Variants in FAM193A observed in about 807,000 individuals in gnomAD.
FAM193A encodes the protein protein FAM193A.
FAM193A carries 22 observed loss-of-function variants against 126.5 expected under a neutral mutation model. The observed-to-expected ratio is 0.17, with a 90% CI of 0.12 to 0.25. FAM193A has a LOEUF of 0.25. Among genes scored for constraint, FAM193A ranks in the 10% least tolerant of loss-of-function variants. The pLI, the probability that FAM193A is intolerant of heterozygous loss-of-function variation, is 1.00. For synonymous variants in FAM193A, 761 were observed against 646.8 expected, an observed-to-expected ratio of 1.18 and a Z score of -2.68; for missense variants, 1,675 against 1,672.8, an observed-to-expected ratio of 1.00 and a Z score of -0.02.
intron 1 of FAM193A, among the ~76,000 whole-genome samples, chr4:2,572,524 G>T (rs537775632): frequency 3.9e-5 from 6 of 152,170 alleles, no homozygotes; most frequent in African/African-American, 1.4e-4. Context: ...TGTAAACTGA[G>T]AGATGGAAAT....
At position 2,697,766 on chromosome 4, in the gene FAM193A, C is replaced by G. The variant is rs1421483252; in HGVS notation, c.3507+1173C>G. Among the ~76,000 whole-genome samples, 3 of 152,180 alleles carry G rather than the reference C, an allele frequency of 2.0e-5. No homozygotes were observed. In the East Asian group the frequency reaches 5.8e-4, roughly 29 times the overall value. ...TGATTGGGAGGCTTTGGGGGAGAAG[C>G]CTTGTCCCGTGCCCCAGAAGACTAG... On this transcript the variant is annotated intron_variant, in intron 18 of 20. Coordinates refer to ENST00000637812, the MANE Select transcript of FAM193A (RefSeq NM_001366318.2).
chr4:2,600,186 C>T (rs1741115635), intron 2 of FAM193A, among the ~76,000 whole-genome samples: 1 of 152,198 alleles, frequency 6.6e-6, no homozygotes, highest in Non-Finnish European at 1.5e-5. Flanking sequence ...GCGTGAGCCA[C>T]TGCGCCTGAC....
At chr4:2,590,463 C>CAAAAAAAAAAAAAAAAAA (rs774897240) in intron 1 of FAM193A, among the ~76,000 whole-genome samples, 1 of 13,564 alleles carries the variant, frequency 7.4e-5, no homozygotes, top group Admixed American at 5.3e-4. Flanking sequence ...GACTCCATCT[C>CAAAAAAAAAAAAAAAAAA]AAAAAAAAAA....
intron 13 of FAM193A, among the ~76,000 whole-genome samples, chr4:2,687,487 G>T (rs1715874299): frequency 6.6e-6 from 1 of 152,192 alleles, no homozygotes; most frequent in African/African-American, 2.4e-5. Flanking sequence ...GAGCTCGCCA[G>T]ACTCCAGAGC....
At chr4:2,551,693 G>T (rs1297429141) in intron 1 of FAM193A, among the ~76,000 whole-genome samples, 3 of 150,734 alleles carry the variant, frequency 2.0e-5, no homozygotes, top group Non-Finnish European at 4.4e-5. Context: ...CTTAATAGAG[G>T]TTTCATCATT....
chr4:2,575,008 T>A (rs1378903097), intron 1 of FAM193A, among the ~76,000 whole-genome samples: 1 of 152,164 alleles, frequency 6.6e-6, no homozygotes, highest in Non-Finnish European at 1.5e-5. Flanking sequence ...AACTTCTTCC[T>A]CTTCCTCTTT....
At position 2,536,890 on chromosome 4, in the gene FAM193A, G is replaced by C. The variant is rs886272351; in HGVS notation, c.-26G>C. The C allele has an allele frequency of 2.0e-5, 3 of 147,494 alleles. No homozygotes were observed. Among genetic ancestry groups the C allele is most frequent in the African/African-American group, 7.4e-5 (3 of 40,694 alleles). 9.1% of individuals were successfully genotyped at this position (147,494 alleles called of 1,614,324 possible). Reference sequence around the variant, plus strand: ...GCCGCCGCCCGCGGCCCCCGCGCCCGCTCTGCGCCCCTCTCCCCGCCCGCC... The same window carrying C: ...GCCGCCGCCCGCGGCCCCCGCGCCCCCTCTGCGCCCCTCTCCCCGCCCGCC... On this transcript the variant is annotated 5_prime_UTR_variant, in exon 1 of 21. Transcript: ENST00000637812.
intron 4 of FAM193A, among the ~76,000 whole-genome samples, 163 bp downstream of exon 4, chr4:2,626,740 G>A (rs929947880): frequency 2.1e-4 from 32 of 152,170 alleles, no homozygotes; most frequent in Non-Finnish European, 8.8e-5. Flanking sequence ...GCAAAAGTGA[G>A]CCCCCTAGGT....
At position 2,696,556 on chromosome 4, in the gene FAM193A, C is replaced by A; in HGVS notation, c.3470C>A (p.Thr1157Lys). The A allele has an allele frequency of 6.2e-7, 1 of 1,614,204 alleles. No individual in the cohort carries two copies. Residue 1157 changes from threonine to lysine, a missense_variant, in exon 18 of 21, where the codon ACG becomes AAG. By Grantham distance (78) the Thr-to-Lys change is moderately conservative. Coordinates refer to ENST00000637812, the MANE Select transcript of FAM193A (RefSeq NM_001366318.2). ...TCCGAAACCAAACCAGTGAGCAGCA[C>A]GCGTGCAGCGAAGCGAGCAAGGCAT... ...NSSETKPVSS[T>K]RAAKRARHKQ...
At chr4:2,641,587 G>A (rs964670678) in intron 6 of FAM193A, among the ~76,000 whole-genome samples, 6 of 151,994 alleles carry the variant, frequency 3.9e-5, no homozygotes, top group Non-Finnish European at 7.4e-5. Context: ...CCCAGGAGGC[G>A]GAGTTTGCAG....
chr4:2,702,946 G>A (rs1717902886), intron 19 of FAM193A, among the ~76,000 whole-genome samples: 1 of 151,718 alleles, frequency 6.6e-6, no homozygotes, highest in African/African-American at 2.4e-5. Flanking sequence ...TGTTCCATTT[G>A]TTTTCTCCCC....
chr4:2,591,011 A>T (rs1458799440), intron 1 of FAM193A, among the ~76,000 whole-genome samples: 1 of 151,294 alleles, frequency 6.6e-6, no homozygotes, highest in Non-Finnish European at 1.5e-5. Context: ...TGGGTCACAG[A>T]GCAAGACTCC....
intron 7 of FAM193A, among the ~76,000 whole-genome samples, chr4:2,649,619 C>G (rs1280094908): frequency 6.6e-6 from 1 of 152,088 alleles, no homozygotes; most frequent in Non-Finnish European, 1.5e-5. Flanking sequence ...CTGTGGTGAG[C>G]TATGATCATG....
chr4:2,704,299 C>T (rs1381533312), intron 19 of FAM193A, among the ~76,000 whole-genome samples: 2 of 150,692 alleles, frequency 1.3e-5, no homozygotes, highest in African/African-American at 2.4e-5. Flanking sequence ...GGCATGGTGG[C>T]TCACATCCAT....
chr4:2,545,309 T>C (rs1737479318), intron 1 of FAM193A, among the ~76,000 whole-genome samples: 1 of 152,200 alleles, frequency 6.6e-6, no homozygotes, highest in Admixed American at 6.6e-5. Context: ...TTGAATTTCA[T>C]AGAACAAGAA....
At chr4:2,669,619 A>G (rs899012433) in intron 12 of FAM193A, among the ~76,000 whole-genome samples, 2 of 151,544 alleles carry the variant, frequency 1.3e-5, no homozygotes, top group Admixed American at 6.5e-5. Flanking sequence ...ACAATAAATA[A>G]ATAAATAATA....
chr4:2,643,981 CAAT>C (rs1461099641), intron 6 of FAM193A, among the ~76,000 whole-genome samples: 1 of 152,178 alleles, frequency 6.6e-6, no homozygotes, highest in African/African-American at 2.4e-5. Context: ...TTCTCTTTAT[CAAT>C]AATAATGTTT....
At chr4:2,580,033 G>A (rs1739829406) in intron 1 of FAM193A, among the ~76,000 whole-genome samples, 1 of 152,128 alleles carries the variant, frequency 6.6e-6, no homozygotes, top group Non-Finnish European at 1.5e-5. Flanking sequence ...CAACCCAAAT[G>A]CCCATCAATG....
At chr4:2,700,594 A>G in intron 19 of FAM193A, 50 bp downstream of exon 19, 1 of 1,568,088 alleles carries the variant, frequency 6.4e-7, no homozygotes, top group Non-Finnish European at 8.6e-7. Context: ...CTGGTTTTCC[A>G]TGTGTGATGT....
Sources: allele counts gnomAD v4.1 joint callset (sites outside exome capture counted in the v4.1 genomes callset), GRCh38; gene constraint gnomAD v4.1.1; transcripts MANE v1.5; gene names NCBI Gene and HGNC (gene_info 2026-07-23, HGNC 2026-07-21).